The following PRCP variants were observed in gnomAD, a reference collection of about 807,000 sequenced individuals.
PRCP encodes the protein lysosomal Pro-X carboxypeptidase.
Under a neutral mutation model 54.2 loss-of-function variants are expected in PRCP, and 46 were observed. The ratio of observed to expected loss-of-function variants is 0.85; its 90% CI spans 0.67 to 1.09. PRCP has a LOEUF of 1.09. Ranked by LOEUF, PRCP falls within the 50% of genes least tolerant of loss-of-function variation. The pLI is 0.00. For synonymous variants in PRCP, 240 were observed against 212.2 expected (o/e 1.13, Z -1.14); for missense variants, 613 against 596.8 (o/e 1.03, Z -0.28).
Position 82,900,047 on chromosome 11 carries a change from T to C in PRCP, c.168+188A>G. The C allele has an allele frequency of 7.2e-6, 5 of 696,034 alleles. No homozygotes were observed. The South Asian group carries it at 9.8e-5, about 14-fold the overall frequency. The allele number at this position is 696,034 out of a possible 1,614,324, so 43.1% of individuals were successfully genotyped here. A position where few individuals can be genotyped will look rare whatever the true frequency, so the allele number is the denominator to read the frequency against. On this transcript the variant is annotated intron_variant, in intron 1 of 8. Transcript: ENST00000313010. ...GCCAAAACTACTACCAAATTATTGG[T>C]AATGGGAGGAGAAAATTTAAACAGA... is the stretch of plus-strand genomic sequence containing the variant.
At chr11:82,882,797 G>C (rs967573381) in intron 1 of PRCP, among the ~76,000 whole-genome samples, 9 of 151,794 alleles carry the variant, frequency 5.9e-5, no homozygotes, top group Non-Finnish European at 1.0e-4. Flanking sequence ...GCCCGGCCGA[G>C]CCAGTTCTTA....
At chr11:82,838,313 C>T in intron 8 of PRCP, 74 bp downstream of exon 8, 2 of 1,379,946 alleles carry the variant, frequency 1.4e-6, no homozygotes, top group Non-Finnish European at 2.0e-6. Context: ...CCAGCATTTC[C>T]CTGGTTCTGT....
rs776863536 is a variant in PRCP at position 82,900,284 on chromosome 11, G to T, written c.119C>A (p.Ser40Tyr). Residue 40 changes from serine (S) to tyrosine (Y), a missense_variant, in exon 1 of 9, where the codon TCC becomes TAC. Coordinates refer to ENST00000313010, the MANE Select transcript of PRCP (RefSeq NM_005040.4). ...GSLHLPTNPT[S>Y]LPAVAKNYSV... ...ATAGTTCTTGGCTACAGCCGGGAGG[G>T]ATGTGGGGTTGGTTGGCAAGTGTAG... 11 of 1,614,146 alleles carry T rather than the reference G, an allele frequency of 6.8e-6. No homozygotes were observed. Among genetic ancestry groups the T allele is most frequent in the South Asian group, 2.2e-5 (2 of 91,094 alleles).
intron 8 of PRCP, chr11:82,830,214 C>CTT (rs1781360389): frequency 6.6e-6 from 1 of 151,912 alleles, no homozygotes; most frequent in South Asian, 2.1e-4. Flanking sequence ...ACTCTGTAAG[C>CTT]ATAATAAGTA....
In PRCP at chr11:82,838,447, G is replaced by A. The variant is rs779659389; in HGVS notation, c.1214C>T (p.Ser405Phe). 2 of 1,614,038 alleles carry A rather than the reference G, an allele frequency of 1.2e-6. No individual in the cohort carries two copies. Among genetic ancestry groups the A allele is most frequent in the Non-Finnish European group, 1.7e-6 (2 of 1,179,946 alleles). The change falls in exon 8 of 9, where the codon TCC (serine) becomes TTC (phenylalanine). Residue 405 changes from serine (S) to phenylalanine (F), a missense_variant. Coordinates refer to ENST00000313010, the MANE Select transcript of PRCP (RefSeq NM_005040.4). ...FQQWGVRPRP[S>F]WITTMYGGKN... is the part of the protein sequence containing the mutation. ...GCCTCCATACATAGTAGTGATCCAGGAGGGCCTTGGTCTCACACCCCACTG... is the reference window on the plus strand; with the variant it reads ...GCCTCCATACATAGTAGTGATCCAGAAGGGCCTTGGTCTCACACCCCACTG...
chr11:82,827,605 C>T (rs1392288899), intron 8 of PRCP: 1 of 152,208 alleles, frequency 6.6e-6, no homozygotes, highest in Non-Finnish European at 1.5e-5. Flanking sequence ...ACTCGATTCT[C>T]TTCCACTTGT....
At chr11:82,870,119 C>G (rs141875610) in intron 1 of PRCP, among the ~76,000 whole-genome samples, 19 of 152,326 alleles carry the variant, frequency 1.2e-4, no homozygotes, top group African/African-American at 4.6e-4. Flanking sequence ...CTGGAAAGGA[C>G]TTTAAAGTCA....
intron 2 of PRCP, among the ~76,000 whole-genome samples, chr11:82,856,988 T>C (rs1045067902): frequency 1.4e-5 from 2 of 139,022 alleles, no homozygotes. Flanking sequence ...GTAGCCGAGA[T>C]AGCGCCACTG....
chr11:82,830,177 G>T (rs754551152), intron 8 of PRCP: 1 of 151,944 alleles, frequency 6.6e-6, no homozygotes, highest in Non-Finnish European at 1.5e-5. Flanking sequence ...CTATACAAAT[G>T]TGCGATGTCA....
At chr11:82,843,367 A>G (rs1214030499) in intron 6 of PRCP, 1 of 152,170 alleles carries the variant, frequency 6.6e-6, no homozygotes, top group African/African-American at 2.4e-5. Context: ...TTATCAAATA[A>G]CTGTAGGATG....
At chr11:82,892,561 T>C (rs1483657511) in intron 1 of PRCP, among the ~76,000 whole-genome samples, 2 of 152,218 alleles carry the variant, frequency 1.3e-5, no homozygotes, top group Non-Finnish European at 2.9e-5. Flanking sequence ...AAAATCTATA[T>C]ATCAATTTTG....
chr11:82,878,518 A>C (rs1859660920), intron 1 of PRCP, among the ~76,000 whole-genome samples: 1 of 152,188 alleles, frequency 6.6e-6, no homozygotes, highest in African/African-American at 2.4e-5. Flanking sequence ...CATGATAGTG[A>C]ATAAGTCTCA....
At chr11:82,853,438 G>T (rs1859007234) in intron 2 of PRCP, among the ~76,000 whole-genome samples, 160 bp from the exon 3 acceptor site, 1 of 152,154 alleles carries the variant, frequency 6.6e-6, no homozygotes, top group African/African-American at 2.4e-5. Flanking sequence ...TGACATAATT[G>T]ATGTCTTATT....
At chr11:82,898,463 G>A (rs145432697) in intron 1 of PRCP, among the ~76,000 whole-genome samples, 1 of 152,284 alleles carries the variant, frequency 6.6e-6, no homozygotes, top group East Asian at 1.9e-4. Context: ...GGATTTTAGA[G>A]ATCTCCCAAT....
At chr11:82,852,809 A>T (rs1858988025) in intron 3 of PRCP, among the ~76,000 whole-genome samples, 1 of 152,180 alleles carries the variant, frequency 6.6e-6, no homozygotes, top group African/African-American at 2.4e-5. Context: ...TAAATTTGTT[A>T]TGCTCATTAT....
At chr11:82,896,014 T>C (rs958863942) in intron 1 of PRCP, among the ~76,000 whole-genome samples, 5 of 152,160 alleles carry the variant, frequency 3.3e-5, no homozygotes, top group African/African-American at 1.2e-4. Context: ...AGCAGTTAAA[T>C]AGGAATAGCT....
chr11:82,880,859 G>A (rs905904664), intron 1 of PRCP, among the ~76,000 whole-genome samples: 3 of 148,128 alleles, frequency 2.0e-5, no homozygotes, highest in African/African-American at 4.9e-5. Context: ...AAAACCCTCT[G>A]CAAGGAAGGA....
At chr11:82,846,822 G>A (rs1858818245) in intron 6 of PRCP, among the ~76,000 whole-genome samples, 2 of 152,166 alleles carry the variant, frequency 1.3e-5, no homozygotes, top group South Asian at 4.1e-4. Context: ...ACATTAAAGA[G>A]GTAGGGAGAA....
At chr11:82,901,280 C>T (rs888743624), upstream of PRCP, among the ~76,000 whole-genome samples, 3 of 152,100 alleles carry the variant, frequency 2.0e-5, no homozygotes, top group African/African-American at 7.2e-5. Context: ...CAAATAACGC[C>T]CCCTTTCTTC....
Sources: gnomAD v4.1 joint callset for allele counts (sites outside exome capture counted in the v4.1 genomes callset) on GRCh38, gnomAD v4.1.1 for gene constraint, MANE v1.5 for transcripts, NCBI Gene and HGNC (gene_info 2026-07-23, HGNC 2026-07-21) for gene names.